The following ZNF438 variants were observed in gnomAD, a reference collection of about 807,000 sequenced individuals.
ZNF438 encodes zinc finger protein 438.
ZNF438 carries 25 observed loss-of-function variants against 38.0 expected under a neutral mutation model. That is an observed-to-expected ratio of 0.66 (90% CI 0.48 to 0.92). The LOEUF is 0.92. Ranked by LOEUF, ZNF438 falls within the 40% of genes least tolerant of loss-of-function variation. ZNF438 has a pLI of 0.00. For missense variants in ZNF438, 1,007 were observed against 999.6 expected, an observed-to-expected ratio of 1.01 and a Z score of -0.10; for synonymous variants, 372 against 364.1, an observed-to-expected ratio of 1.02 and a Z score of -0.25.
chr10:31,020,239 G>A (rs1158322384), intron 1 of ZNF438, among the ~76,000 whole-genome samples: 1 of 152,202 alleles, frequency 6.6e-6, no homozygotes, highest in Non-Finnish European at 1.5e-5. Flanking sequence ...TCAAAAGGGT[G>A]AGATTGTAGT....
At chr10:30,908,022 G>T (rs1316759225) in intron 3 of ZNF438, among the ~76,000 whole-genome samples, 1 of 151,994 alleles carries the variant, frequency 6.6e-6, no homozygotes, top group Non-Finnish European at 1.5e-5. Flanking sequence ...ATTTTGGTAT[G>T]TAGTGCTTTA....
In ZNF438 at chr10:30,961,163, GTTT is replaced by G. The variant is rs1156667139; in HGVS notation, c.-191-19515_-191-19513del. ...AGCCTGTTTCTTAAAAAAAAAAAAA[GTTT>G]TTTTTACATATGTATACATATGTAA... On this transcript the variant is annotated intron_variant, in intron 1 of 5. Coordinates refer to ENST00000413025, the Ensembl canonical transcript of ZNF438. 1.5e-4 allele frequency among the ~76,000 whole-genome samples: 20 copies of G among 136,316 alleles called. 3 individuals carry two copies. Among genetic ancestry groups the G allele is most frequent in the Admixed American group, 7.5e-4 (10 of 13,378 alleles). The allele number at this position is 136,316 out of a possible 152,430, so 89.4% of individuals were successfully genotyped here.
chr10:31,028,844 C>T (rs536057196), intron 1 of ZNF438, among the ~76,000 whole-genome samples: 18 of 152,294 alleles, frequency 1.2e-4, no homozygotes, highest in South Asian at 2.1e-4. Flanking sequence ...CTTGCCCCTA[C>T]GGAACCTACA....
chr10:30,850,939 C>T (rs1477189717), intron 4 of ZNF438, among the ~76,000 whole-genome samples: 1 of 152,222 alleles, frequency 6.6e-6, no homozygotes, highest in Non-Finnish European at 1.5e-5. Context: ...GACCCACTGG[C>T]AGTTGAATTT....
chr10:30,877,114 A>C, intron 3 of ZNF438, 49 bp from the exon 5 acceptor site: 2 of 1,031,476 alleles, frequency 1.9e-6, no homozygotes, highest in Non-Finnish European at 2.8e-6. Flanking sequence ...TTGAGAGAGC[A>C]TGTTAATGCA....
chr10:30,870,220 C>T (rs2037170365), intron 4 of ZNF438, among the ~76,000 whole-genome samples: 2 of 152,064 alleles, frequency 1.3e-5, no homozygotes, highest in Non-Finnish European at 2.9e-5. Context: ...TGTGAATTTG[C>T]CTACTTGCTA....
At chr10:31,016,636 T>C (rs1819757376) in intron 1 of ZNF438, among the ~76,000 whole-genome samples, 1 of 152,204 alleles carries the variant, frequency 6.6e-6, no homozygotes, top group African/African-American at 2.4e-5. Flanking sequence ...TGATTGAAGC[T>C]AACTCACCAA....
chr10:30,888,161 T>C (rs2040198537), intron 3 of ZNF438, among the ~76,000 whole-genome samples: 1 of 152,208 alleles, frequency 6.6e-6, no homozygotes, highest in African/African-American at 2.4e-5. Context: ...AGTGGAATTA[T>C]TAAGTGGTCT....
intron 3 of ZNF438, among the ~76,000 whole-genome samples, chr10:30,891,284 C>T (rs1383470843): frequency 6.6e-6 from 1 of 152,012 alleles, no homozygotes; most frequent in Non-Finnish European, 1.5e-5. Flanking sequence ...GCTGGTTATG[C>T]TTTTCTCCTC....
At chr10:30,988,263 A>C (rs1177527514) in intron 1 of ZNF438, among the ~76,000 whole-genome samples, 2 of 152,152 alleles carry the variant, frequency 1.3e-5, no homozygotes, top group Non-Finnish European at 2.9e-5. Context: ...TACATTCTCA[A>C]ATTTAAAAAT....
intron 1 of ZNF438, among the ~76,000 whole-genome samples, chr10:30,968,219 A>G (rs1446242068): frequency 6.6e-6 from 1 of 152,056 alleles, no homozygotes; most frequent in East Asian, 1.9e-4. Flanking sequence ...ACTCATCCTA[A>G]GTAGGGAAAC....
In ZNF438 at chr10:31,015,361, T is replaced by C. The variant is rs893580205; in HGVS notation, c.-192+16472A>G. Among the ~76,000 whole-genome samples the C allele has an allele frequency of 5.9e-5, 9 of 152,168 alleles. No individual in the cohort carries two copies. The East Asian group carries it at 1.3e-3, about 23-fold the overall frequency. On this transcript the variant is annotated intron_variant, in intron 1 of 5. Transcript: ENST00000413025. ...TAATTTTTACAAGAATACAGCATTATGGCCGGACGTGGTGGCTCACACCTG... is the reference window on the plus strand; with the variant it reads ...TAATTTTTACAAGAATACAGCATTACGGCCGGACGTGGTGGCTCACACCTG...
intron 3 of ZNF438, among the ~76,000 whole-genome samples, chr10:30,888,637 G>C (rs991280459): frequency 3.9e-5 from 6 of 152,118 alleles, no homozygotes; most frequent in Non-Finnish European, 7.3e-5. Flanking sequence ...TTGGTTTGCT[G>C]TTCCTGCATT....
intron 4 of ZNF438, among the ~76,000 whole-genome samples, chr10:30,865,281 T>G (rs946086928): frequency 1.3e-5 from 2 of 152,238 alleles, no homozygotes; most frequent in Non-Finnish European, 2.9e-5. Context: ...AACTCACACA[T>G]AGCAATGCGC....
At chr10:30,954,426 C>A (rs1376233043) in intron 1 of ZNF438, among the ~76,000 whole-genome samples, 1 of 152,194 alleles carries the variant, frequency 6.6e-6, no homozygotes, top group African/African-American at 2.4e-5. Flanking sequence ...GGGCCTACTA[C>A]CAGTAAAGCG....
chr10:30,948,970 G>T (rs1300449511), intron 1 of ZNF438, among the ~76,000 whole-genome samples: 33 of 152,282 alleles, frequency 2.2e-4, no homozygotes, highest in African/African-American at 5.5e-4. Context: ...GAGTTGAAAT[G>T]AAGGAAAAAA....
chr10:30,901,645 G>A (rs1408663129), intron 3 of ZNF438, among the ~76,000 whole-genome samples: 2 of 151,990 alleles, frequency 1.3e-5, no homozygotes, highest in African/African-American at 4.8e-5. Flanking sequence ...CTCGTCGCTT[G>A]GCAATAGGCG....
At chr10:30,883,711 A>G (rs916428814) in intron 3 of ZNF438, among the ~76,000 whole-genome samples, 18 of 152,160 alleles carry the variant, frequency 1.2e-4, no homozygotes, top group Non-Finnish European at 4.4e-5. Flanking sequence ...TCTACAAAAA[A>G]TACAAAAAAC....
At chr10:30,849,308 T>C (rs750521733) in exon 5 of ZNF438, 17 of 1,614,090 alleles carry the variant, frequency 1.1e-5, no homozygotes, top group East Asian at 2.2e-5. Context: ...AAGATCAAGT[T>C]TGGTGGGTGG....
Sources: gnomAD v4.1 joint callset for allele counts (sites outside exome capture counted in the v4.1 genomes callset) on GRCh38, gnomAD v4.1.1 for gene constraint, MANE v1.5 for transcripts, NCBI Gene and HGNC (gene_info 2026-07-23, HGNC 2026-07-21) for gene names.